The following TMEM94 variants were observed in gnomAD, a reference collection of about 807,000 sequenced individuals.
TMEM94 encodes ER Mg2+ ATPase.
A neutral mutation model predicts 158.6 loss-of-function variants in TMEM94; 81 were observed. The ratio of observed to expected loss-of-function variants is 0.51; its 90% CI spans 0.43 to 0.61. The LOEUF (loss-of-function observed/expected upper bound fraction) is 0.61, where lower values mean the gene tolerates loss of function less well. Ranked by LOEUF, TMEM94 falls within the 20% of genes least tolerant of loss-of-function variation. The pLI is 0.00. For missense variants in TMEM94, 1,435 were observed against 1,762.0 expected, an observed-to-expected ratio of 0.81 and a Z score of 3.32; for synonymous variants, 751 against 730.7, an observed-to-expected ratio of 1.03 and a Z score of -0.45.
At chr17:75,496,246 T>C (rs2052671127) in intron 23 of TMEM94, 36 bp from the exon 24 acceptor site, 1 of 1,613,058 alleles carries the variant, frequency 6.2e-7, no homozygotes, top group Non-Finnish European at 8.5e-7. Context: ...CTGTGGGAGA[T>C]ACAGCTGAAG....
chr17:75,493,364 TCC>T (rs1443560932), intron 16 of TMEM94, 125 bp from the exon 17 acceptor site: 1 of 971,650 alleles, frequency 1.0e-6, no homozygotes, highest in African/African-American at 1.6e-5. Flanking sequence ...TGTCCGTGAG[TCC>T]CAGGGAGTCT....
intron 1 of TMEM94, among the ~76,000 whole-genome samples, chr17:75,463,921 C>T (rs1009866419): frequency 6.6e-6 from 1 of 152,224 alleles, no homozygotes; most frequent in Non-Finnish European, 1.5e-5. Flanking sequence ...TAACACAGAT[C>T]TATCAATTAG....
rs2052146987 is a variant in TMEM94, at chr17:75,491,198, C to T, written c.1233+45C>T. On this transcript the variant is annotated intron_variant, in intron 12 of 31. Coordinates refer to ENST00000314256, the MANE Select transcript of TMEM94 (RefSeq NM_014738.6). This position sits in a 1 kb window ranked among gnomAD's most constrained non-coding sequence, Gnocchi z 5.1. Reference sequence around the variant, plus strand: ...GGAGGAGGCAACTGTCATGCCCGCCCTGCTCTCTGGCTGGGCCTGGGCTGC... The same window carrying T: ...GGAGGAGGCAACTGTCATGCCCGCCTTGCTCTCTGGCTGGGCCTGGGCTGC... 3 of 1,594,690 alleles carry T rather than the reference C, an allele frequency of 1.9e-6. No homozygotes were observed. Among genetic ancestry groups the T allele is most frequent in the African/African-American group, 2.7e-5 (2 of 74,690 alleles).
Position 75,486,335 on chromosome 17 carries a change from G to A in TMEM94, c.318G>A (p.Leu106=), listed in dbSNP as rs777249587. ...LVNASALFLL[L]LLNLVLIGRQ... is the part of the protein sequence containing the mutation. The stretch of plus-strand genomic sequence containing the variant: ...ATGCCTCGGCCTTGTTCCTGTTACT[G>A]CTTCTCAACCTTGTGCTCATCGGGC... Residue 106 remains leucine (L), a synonymous_variant, in exon 5 of 32, where the codon CTG becomes CTA. Transcript: ENST00000314256. 3.7e-6 allele frequency: 6 copies of A among 1,614,218 alleles called. No homozygotes were observed. The highest frequency in any genetic ancestry group is 1.7e-6 in the Non-Finnish European group (2 of 1,180,030).
chr17:75,472,059 G>T, intron 2 of TMEM94, 130 bp downstream of exon 2: 1 of 840,380 alleles, frequency 1.2e-6, no homozygotes. Context: ...GCAAGGCTCT[G>T]AGTCTTGGGG....
In TMEM94 at chr17:75,485,826, G is replaced by A. The variant is rs1337420975; in HGVS notation, c.145-45G>A. On this transcript the variant is annotated intron_variant, in intron 3 of 31. Transcript: ENST00000314256. This position sits in a 1 kb window ranked among gnomAD's most constrained non-coding sequence, Gnocchi z 5.5. ...TGCCGGGGGAGGCAGCCAGATTGGAGTGGGACAGGCCTCTCATTGTCCCCT... is the reference window on the plus strand; with the variant it reads ...TGCCGGGGGAGGCAGCCAGATTGGAATGGGACAGGCCTCTCATTGTCCCCT... 1.3e-6 allele frequency: 2 copies of A among 1,567,370 alleles called. No individual in the cohort carries two copies. Among genetic ancestry groups the A allele is most frequent in the Non-Finnish European group, 1.7e-6 (2 of 1,152,514 alleles).
At chr17:75,473,827 C>T (rs894781918) in intron 2 of TMEM94, among the ~76,000 whole-genome samples, 2 of 152,102 alleles carry the variant, frequency 1.3e-5, no homozygotes, top group Non-Finnish European at 2.9e-5. Flanking sequence ...ATTGATAGTA[C>T]AAGCAGGCTG....
chr17:75,458,280 A>T (rs2049953881), intron 1 of TMEM94, among the ~76,000 whole-genome samples: 1 of 152,148 alleles, frequency 6.6e-6, no homozygotes, highest in Non-Finnish European at 1.5e-5. Context: ...GCACTGTGGT[A>T]TCTCTTTATA....
In TMEM94 at chr17:75,471,817, G is replaced by A. The variant is rs1242835508; in HGVS notation, c.-89G>A. The A allele has an allele frequency of 1.5e-6, 2 of 1,329,966 alleles. No homozygotes were observed. The highest frequency in any genetic ancestry group is 1.4e-5 in the African/African-American group (1 of 68,998). The allele number at this position is 1,329,966 out of a possible 1,614,324, so 82.4% of individuals were successfully genotyped here. On this transcript the variant is annotated 5_prime_UTR_variant, in exon 2 of 32. Coordinates refer to ENST00000314256, the MANE Select transcript of TMEM94 (RefSeq NM_014738.6). ...TTCCCCAGATGTTGTGACTGTGACA[G>A]ACTCACTGGGGTTTGTACATGCTGG... is the stretch of plus-strand genomic sequence containing the variant.
chr17:75,465,503 T>C (rs1448612101), intron 1 of TMEM94, among the ~76,000 whole-genome samples: 2 of 151,512 alleles, frequency 1.3e-5, no homozygotes, highest in Admixed American at 1.3e-4. Context: ...AGATCATGGC[T>C]CACTGCAACC....
At chr17:75,470,157 TG>T (rs2050444454) in intron 1 of TMEM94, among the ~76,000 whole-genome samples, 1 of 152,108 alleles carries the variant, frequency 6.6e-6, no homozygotes, top group Non-Finnish European at 1.5e-5. Context: ...CAAAACACAG[TG>T]TGCCTTTGAA....
intron 1 of TMEM94, among the ~76,000 whole-genome samples, chr17:75,469,787 C>T (rs903565349): frequency 2.0e-5 from 3 of 151,868 alleles, no homozygotes; most frequent in Admixed American, 1.3e-4. Flanking sequence ...CCCATCTCTA[C>T]CAAAGAAGTA....
intron 2 of TMEM94, among the ~76,000 whole-genome samples, chr17:75,478,161 G>C (rs1487062510): frequency 9.6e-6 from 1 of 104,308 alleles, no homozygotes; most frequent in African/African-American, 3.6e-5. Context: ...GACGACAGGC[G>C]CCCGCCACTA....
In TMEM94 at chr17:75,498,976, G is replaced by A. The variant is rs767817844; in HGVS notation, c.3892G>A (p.Val1298Ile). 26 of 1,597,806 alleles carry A rather than the reference G, an allele frequency of 1.6e-5. No individual in the cohort carries two copies. Among genetic ancestry groups the A allele is most frequent in the African/African-American group, 5.4e-5 (4 of 74,760 alleles). Residue 1298 changes from valine to isoleucine, a missense_variant, in exon 31 of 32, where the codon GTC becomes ATC. Val to Ile is a conservative substitution (Grantham distance 29). Coordinates refer to ENST00000314256, the MANE Select transcript of TMEM94 (RefSeq NM_014738.6). This position sits in a 1 kb window ranked among gnomAD's most constrained non-coding sequence, Gnocchi z 6.7. ...GCTGTGGACACACAGGGACAGCCAC[G>A]TCCACTTTGGCCTGGAGGACGTGCC... is the stretch of plus-strand genomic sequence containing the variant. ...LQLWTHRDSH[V>I]HFGLEDVPLL...
chr17:75,498,602 A>AC lies in TMEM94; in HGVS notation c.3734-22dup. The AC allele has an allele frequency of 6.2e-7, 1 of 1,612,488 alleles. No homozygotes were observed. Among genetic ancestry groups the AC allele is most frequent in the Non-Finnish European group, 8.5e-7 (1 of 1,179,454 alleles). ...AGAGGAGCCCCACTGTGGAAGTCTG[A>AC]CCCCCACATCGCCCCACCTTCCCCA... On this transcript the variant is annotated intron_variant, in intron 29 of 31. Coordinates refer to ENST00000314256, the MANE Select transcript of TMEM94 (RefSeq NM_014738.6). This position sits in a 1 kb window ranked among gnomAD's most constrained non-coding sequence, Gnocchi z 6.7.
chr17:75,461,827 T>C (rs1446865272), intron 1 of TMEM94, among the ~76,000 whole-genome samples: 5 of 147,710 alleles, frequency 3.4e-5, no homozygotes, highest in Non-Finnish European at 6.0e-5. Context: ...GGCAGGAGAA[T>C]GGCGCGAACC....
rs949327126 is a variant in TMEM94, at chr17:75,496,210, G to A, written c.3054-72G>A. 11 of 1,597,184 alleles carry A rather than the reference G, an allele frequency of 6.9e-6. No individual in the cohort carries two copies. The African/African-American group carries it at 1.3e-4, about 19-fold the overall frequency. ...TGGGACCAATGCACCTGGGCATGGT[G>A]GGAGAAGAGGGTGGGGTGCCCAGTC... On this transcript the variant is annotated intron_variant, in intron 23 of 31. Transcript: ENST00000314256.
In TMEM94 at chr17:75,465,582, C is replaced by T. The variant is rs375646826; in HGVS notation, c.-106-6218C>T. Among the ~76,000 whole-genome samples the T allele has an allele frequency of 4.6e-5, 7 of 150,568 alleles. 1 individual carries two copies. Among genetic ancestry groups the T allele is most frequent in the East Asian group, 1.9e-4 (1 of 5,172 alleles). ...AGTAGCTAAGACTGCAGGTGTGTGC[C>T]AACATGCCTGGCTGAAATCTTTGCT... On this transcript the variant is annotated intron_variant, in intron 1 of 31. Coordinates refer to ENST00000314256, the MANE Select transcript of TMEM94 (RefSeq NM_014738.6).
chr17:75,496,457 C>T lies in TMEM94; in HGVS notation c.3229C>T (p.Arg1077Trp), dbSNP rs754397470. 4.3e-6 allele frequency: 7 copies of T among 1,612,352 alleles called. No individual in the cohort carries two copies. The highest frequency in any genetic ancestry group is 1.1e-5 in the South Asian group (1 of 91,058). ...CCAGGAGGAGACCATCAGCATCATC[C>T]GGCTTATCGAACAGGTGGGTGCTTC... ...FRQEETISIIRLIEQARHATY... is the reference protein window; with the variant it reads ...FRQEETISIIWLIEQARHATY... Residue 1077 changes from arginine to tryptophan, a missense_variant, in exon 24 of 32, where the codon CGG becomes TGG. Coordinates refer to ENST00000314256, the MANE Select transcript of TMEM94 (RefSeq NM_014738.6).
Sources: allele counts gnomAD v4.1 joint callset (sites outside exome capture counted in the v4.1 genomes callset), GRCh38; gene constraint gnomAD v4.1.1; non-coding constraint Gnocchi (gnomAD v3.1); transcripts MANE v1.5; gene names NCBI Gene and HGNC (gene_info 2026-07-23, HGNC 2026-07-21).